Variants in ARHGAP21 observed in about 807,000 individuals in gnomAD.
The protein encoded by ARHGAP21 is rho GTPase-activating protein 21.
A neutral mutation model predicts 164.6 loss-of-function variants in ARHGAP21; 38 were observed. That is an observed-to-expected ratio of 0.23 (90% CI 0.18 to 0.30). The LOEUF (loss-of-function observed/expected upper bound fraction) is 0.30, where lower values mean the gene tolerates loss of function less well. Among genes scored for constraint, ARHGAP21 ranks in the 10% least tolerant of loss-of-function variants. ARHGAP21 has a pLI of 1.00. For missense variants in ARHGAP21, 1,822 were observed against 2,370.7 expected, an observed-to-expected ratio of 0.77 and a Z score of 4.81; for synonymous variants, 766 against 857.9, an observed-to-expected ratio of 0.89 and a Z score of 1.87.
rs2076032360 is a variant in ARHGAP21, at chr10:24,584,781, G to A, written c.5508C>T (p.Asn1836=). 2 of 1,613,988 alleles carry A rather than the reference G, an allele frequency of 1.2e-6. No homozygotes were observed. Among genetic ancestry groups the A allele is most frequent in the East Asian group, 4.5e-5 (2 of 44,880 alleles). Residue 1836 remains asparagine (N), a synonymous_variant, in exon 26 of 26, where the codon AAC becomes AAT. Transcript: ENST00000396432. ...GERESELSAV[N]RLKPKCSAQD... ...GGGCTGAGCATTTTGGTTTTAACCGGTTTACAGCTGAAAGTTCAGATTCTC... is the reference window on the plus strand; with the variant it reads ...GGGCTGAGCATTTTGGTTTTAACCGATTTACAGCTGAAAGTTCAGATTCTC...
chr10:24,584,337 C>T lies in ARHGAP21; in HGVS notation c.*75G>A. ...AGGCTGCATAATAACAATTCTGATA[C>T]AAGAAAATATTGACAGAGTTACTGG... On this transcript the variant is annotated 3_prime_UTR_variant, in exon 26 of 26. Transcript: ENST00000396432. The T allele has an allele frequency of 1.4e-6, 2 of 1,481,148 alleles. No homozygotes were observed. Among genetic ancestry groups the T allele is most frequent in the Non-Finnish European group, 9.1e-7 (1 of 1,103,606 alleles). The allele number at this position is 1,481,148 out of a possible 1,614,324, so 91.8% of individuals were successfully genotyped here.
At chr10:24,721,082 T>C (rs1157392100) in intron 2 of ARHGAP21, among the ~76,000 whole-genome samples, 1 of 151,788 alleles carries the variant, frequency 6.6e-6, no homozygotes, top group East Asian at 1.9e-4. Context: ...TGCTCAAAAA[T>C]TTTCAGGAAG....
At chr10:24,672,322 C>G (rs985471797) in intron 2 of ARHGAP21, among the ~76,000 whole-genome samples, 9 of 152,152 alleles carry the variant, frequency 5.9e-5, no homozygotes, top group Admixed American at 3.3e-4. Context: ...AGAATTTTCT[C>G]AACTTGACTT....
chr10:24,676,610 A>G lies in ARHGAP21; in HGVS notation c.64-6213T>C, dbSNP rs551585767. Among the ~76,000 whole-genome samples, 6 of 152,318 alleles carry G rather than the reference A, an allele frequency of 3.9e-5. No individual in the cohort carries two copies. In the South Asian group the frequency reaches 1.2e-3, roughly 32 times the overall value. ...CACTATTCAGGTGATGGTTATGCTA[A>G]AAGCCCAGACTTCACCCCTACGCAA... On this transcript the variant is annotated intron_variant, in intron 2 of 25. Coordinates refer to ENST00000396432, the MANE Select transcript of ARHGAP21 (RefSeq NM_020824.4).
At chr10:24,648,982 C>T in intron 4 of ARHGAP21, 2 of 457,510 alleles carry the variant, frequency 4.4e-6, no homozygotes, top group Non-Finnish European at 5.7e-6. Context: ...TTGTTACTAG[C>T]TACATATAGA....
intron 4 of ARHGAP21, among the ~76,000 whole-genome samples, chr10:24,664,296 C>G (rs1309203452): frequency 6.6e-6 from 1 of 152,098 alleles, no homozygotes; most frequent in Non-Finnish European, 1.5e-5. Flanking sequence ...GTGGCTCATG[C>G]CTGTAATCCC....
chr10:24,666,413 T>C (rs1451656798), intron 4 of ARHGAP21, among the ~76,000 whole-genome samples: 1 of 152,246 alleles, frequency 6.6e-6, no homozygotes, highest in African/African-American at 2.4e-5. Context: ...TTTGCAACTT[T>C]GTTGTCTAAA....
intron 9 of ARHGAP21, among the ~76,000 whole-genome samples, chr10:24,612,408 T>G (rs16924914): frequency 0.016 from 2,406 of 152,314 alleles, 64 homozygotes; most frequent in African/African-American, 0.055. Flanking sequence ...CATGTATATA[T>G]CTTTTTACCA....
At chr10:24,700,424 T>C (rs1285757113) in intron 2 of ARHGAP21, among the ~76,000 whole-genome samples, 1 of 152,134 alleles carries the variant, frequency 6.6e-6, no homozygotes, top group Non-Finnish European at 1.5e-5. Flanking sequence ...ATTTAAAGTA[T>C]TACACCTAGG....
chr10:24,654,685 C>T (rs902894423), intron 4 of ARHGAP21, among the ~76,000 whole-genome samples: 1 of 152,174 alleles, frequency 6.6e-6, no homozygotes, highest in Non-Finnish European at 1.5e-5. Flanking sequence ...GTGAAAATGG[C>T]CATACTGCCC....
chr10:24,612,635 A>G (rs1434264040), intron 9 of ARHGAP21, among the ~76,000 whole-genome samples: 1 of 151,956 alleles, frequency 6.6e-6, no homozygotes. Context: ...CGGGCGGATC[A>G]CGAGGTCAGG....
intron 6 of ARHGAP21, among the ~76,000 whole-genome samples, chr10:24,631,396 A>AATAAT (rs1835844251): frequency 7.7e-6 from 1 of 129,372 alleles, no homozygotes; most frequent in Non-Finnish European, 1.7e-5. Flanking sequence ...AATAAAATAA[A>AATAAT]AGTTATGGCA....
chr10:24,699,731 C>T (rs974805946), intron 2 of ARHGAP21, among the ~76,000 whole-genome samples: 17 of 152,160 alleles, frequency 1.1e-4, no homozygotes, highest in Non-Finnish European at 2.4e-4. Context: ...CCTGGGCCTG[C>T]GTGCTGCTCT....
At chr10:24,632,266 T>C (rs1178059461) in intron 6 of ARHGAP21, among the ~76,000 whole-genome samples, 2 of 152,248 alleles carry the variant, frequency 1.3e-5, no homozygotes, top group Non-Finnish European at 1.5e-5. Context: ...TAAGTTGGTT[T>C]TTAAAGAAGA....
rs781113014 is a variant in ARHGAP21, at chr10:24,620,982, C to T, written c.913G>A (p.Val305Met). The change falls in exon 9 of 26, where the codon GTG becomes ATG. Residue 305 changes from valine (V) to methionine (M), a missense_variant. Val to Met is a conservative substitution (Grantham distance 21). This residue lies in a region of ARHGAP21 where 1,090 missense variants were observed against 1,378.9 expected (regional missense o/e 0.79). Transcript: ENST00000396432. The part of the protein sequence containing the change: ...SHRTEEVRYG[V>M]SEQTSLKTVS... The stretch of plus-strand genomic sequence containing the variant: ...GTTTTTAAAGAGGTCTGCTCACTCA[C>T]GCCATACCTCACTTCTTCAGTTCTA... The T allele has an allele frequency of 2.2e-5, 36 of 1,613,862 alleles. No homozygotes were observed. Among genetic ancestry groups the T allele is most frequent in the South Asian group, 3.3e-5 (3 of 91,078 alleles).
At chr10:24,586,148 C>A (rs1235485418) in intron 25 of ARHGAP21, 42 bp from the exon 26 acceptor site, 2 of 1,510,678 alleles carry the variant, frequency 1.3e-6, no homozygotes, top group African/African-American at 1.4e-5. Context: ...CATAAGAATG[C>A]AGCTGAGTTC....
intron 4 of ARHGAP21, among the ~76,000 whole-genome samples, chr10:24,638,470 T>C (rs1019620755): frequency 6.6e-6 from 1 of 152,198 alleles, no homozygotes; most frequent in Non-Finnish European, 1.5e-5. Flanking sequence ...TCTCAGGTCT[T>C]TAGCTTTTGT....
intron 2 of ARHGAP21, among the ~76,000 whole-genome samples, chr10:24,708,568 T>G (rs1226807103): frequency 6.6e-6 from 1 of 152,222 alleles, no homozygotes; most frequent in Non-Finnish European, 1.5e-5. Flanking sequence ...TTATCGTCAT[T>G]CACCTGCTCC....
Position 24,621,224 on chromosome 10 carries a change from T to A in ARHGAP21, c.671A>T (p.Asp224Val). Residue 224 changes from aspartate to valine, a missense_variant, in exon 9 of 26, where the codon GAC becomes GTC. Coordinates refer to ENST00000396432, the MANE Select transcript of ARHGAP21 (RefSeq NM_020824.4). Reference protein sequence around the residue: ...MAQPVEISPPDSSLSKQQTST... With the variant: ...MAQPVEISPPVSSLSKQQTST... The stretch of plus-strand genomic sequence containing the variant: ...GGTTTGCTGTTTGCTCAATGATGAG[T>A]CAGGAGGAGATATTTCAACTGGCTG... 1 of 1,613,798 alleles carries A rather than the reference T, an allele frequency of 6.2e-7. No homozygotes were observed. Among genetic ancestry groups the A allele is most frequent in the South Asian group, 1.1e-5 (1 of 91,050 alleles).
Sources: gnomAD v4.1 joint callset for allele counts (sites outside exome capture counted in the v4.1 genomes callset) on GRCh38, gnomAD v4.1.1 for gene constraint, gnomAD v4.1.1 regional missense constraint, MANE v1.5 for transcripts, NCBI Gene and HGNC (gene_info 2026-07-23, HGNC 2026-07-21) for gene names.